OXR1: variants seen among roughly 807,000 people sequenced by gnomAD.
The protein encoded by OXR1 is oxidation resistance protein 1.
A neutral mutation model predicts 104.6 loss-of-function variants in OXR1; 41 were observed. The ratio of observed to expected loss-of-function variants is 0.39; its 90% CI spans 0.31 to 0.51. The LOEUF is 0.51. Ranked by LOEUF, OXR1 falls within the 20% of genes least tolerant of loss-of-function variation. The pLI is 0.77. For missense variants in OXR1, 955 were observed against 1,031.9 expected, an observed-to-expected ratio of 0.93 and a Z score of 1.02; for synonymous variants, 348 against 348.4, an observed-to-expected ratio of 1.00 and a Z score of 0.01.
At chr8:106,402,758 T>C (rs1451744170) in intron 2 of OXR1, among the ~76,000 whole-genome samples, 1 of 152,208 alleles carries the variant, frequency 6.6e-6, no homozygotes, top group African/African-American at 2.4e-5. Context: ...TATGCTGGAA[T>C]CCTTCCTCAA....
chr8:106,572,834 T>C (rs7823515), intron 3 of OXR1, among the ~76,000 whole-genome samples: 26,687 of 152,076 alleles, frequency 0.18, 2,479 homozygotes, highest in East Asian at 0.34. Flanking sequence ...AAGTATTTGT[T>C]ACAGCAGCCC....
chr8:106,436,055 A>G (rs1001550000), intron 2 of OXR1, among the ~76,000 whole-genome samples: 8 of 152,130 alleles, frequency 5.3e-5, no homozygotes, highest in African/African-American at 1.4e-4. Context: ...GAGAAATTTA[A>G]AATAATCATC....
intron 2 of OXR1, among the ~76,000 whole-genome samples, chr8:106,421,196 A>G (rs1263800121): frequency 3.9e-5 from 6 of 152,100 alleles, no homozygotes; most frequent in Non-Finnish European, 8.8e-5. Flanking sequence ...CCCGGCCCCT[A>G]CAACCCACAC....
intron 1 of OXR1, among the ~76,000 whole-genome samples, chr8:106,326,574 G>C (rs1319827778): frequency 6.6e-6 from 1 of 152,186 alleles, no homozygotes; most frequent in Non-Finnish European, 1.5e-5. Flanking sequence ...CTTTGCCGCA[G>C]GGCAATTTTA....
At chr8:106,660,592 G>A (rs1189606570) in intron 3 of OXR1, among the ~76,000 whole-genome samples, 3 of 152,144 alleles carry the variant, frequency 2.0e-5, no homozygotes, top group South Asian at 2.1e-4. Context: ...CCTTGTTTCT[G>A]TTCCTTCTCA....
chr8:106,410,376 G>T (rs866522333), intron 2 of OXR1, among the ~76,000 whole-genome samples: 11 of 152,206 alleles, frequency 7.2e-5, no homozygotes, highest in South Asian at 2.1e-4. Flanking sequence ...TGATTATTAA[G>T]TATCTTTTAT....
At chr8:106,276,622 C>G (rs1175620569) in intron 1 of OXR1, among the ~76,000 whole-genome samples, 2 of 152,126 alleles carry the variant, frequency 1.3e-5, no homozygotes, top group Non-Finnish European at 2.9e-5. Flanking sequence ...AAATCTCCAT[C>G]CAAACCTCTT....
Position 106,634,627 on chromosome 8 carries a change from G to A in OXR1, c.221-44583G>A, listed in dbSNP as rs1015915523. On this transcript the variant is annotated intron_variant, in intron 3 of 16. Coordinates refer to ENST00000517566, the MANE Select transcript of OXR1 (RefSeq NM_001198533.2). ...TAAGGATGATATTCCTACAGATCAA[G>A]TAGTTAACTGAATCACATATCTCCT... Among the ~76,000 whole-genome samples, 7 of 152,126 alleles carry A rather than the reference G, an allele frequency of 4.6e-5. No individual in the cohort carries two copies. The South Asian group carries it at 1.5e-3, about 32-fold the overall frequency.
Position 106,690,211 on chromosome 8 carries a change from TA to T in OXR1, c.526-2514del, listed in dbSNP as rs905396831. On this transcript the variant is annotated intron_variant, in intron 6 of 16. Coordinates refer to ENST00000517566, the MANE Select transcript of OXR1 (RefSeq NM_001198533.2). ...CTTATGTGATATATAACTTATATAT[TA>T]AATGTAAGCTTATGTATTATAATAA... Among the ~76,000 whole-genome samples the T allele has an allele frequency of 2.0e-5, 3 of 150,840 alleles. No individual in the cohort carries two copies. In the East Asian group the frequency reaches 5.8e-4, roughly 29 times the overall value.
chr8:106,349,260 A>G (rs1815624319), intron 1 of OXR1, among the ~76,000 whole-genome samples: 1 of 152,168 alleles, frequency 6.6e-6, no homozygotes, highest in Admixed American at 6.5e-5. Context: ...AAATCATTAT[A>G]TTATATGTTC....
In OXR1 at chr8:106,692,715, A is replaced by T; in HGVS notation, c.526-13A>T. 2.2e-6 allele frequency: 3 copies of T among 1,381,974 alleles called. No homozygotes were observed. The highest frequency in any genetic ancestry group is 3.5e-5 in the South Asian group (2 of 56,602). 85.6% of individuals were successfully genotyped at this position (1,381,974 alleles called of 1,614,324 possible). The stretch of plus-strand genomic sequence containing the variant: ...CTGCTTTTTTTTTTCTTTCCTTTAA[A>T]AAAAAAAAAAAGAATCCTGATGTCC... On this transcript the variant is annotated splice_polypyrimidine_tract_variant and intron_variant, in intron 6 of 16. Coordinates refer to ENST00000517566, the MANE Select transcript of OXR1 (RefSeq NM_001198533.2).
intron 1 of OXR1, among the ~76,000 whole-genome samples, chr8:106,352,959 C>T (rs897745778): frequency 6.6e-6 from 1 of 152,056 alleles, no homozygotes; most frequent in Admixed American, 6.6e-5. Context: ...GGCAGAACCC[C>T]CTCTTTTAAA....
At chr8:106,477,955 T>C (rs1389938782) in intron 2 of OXR1, among the ~76,000 whole-genome samples, 1 of 151,964 alleles carries the variant, frequency 6.6e-6, no homozygotes, top group Non-Finnish European at 1.5e-5. Context: ...CCAGCTGTAA[T>C]GTACAGGTGT....
At chr8:106,745,946 A>C (rs1364324852) in intron 16 of OXR1, 84 bp downstream of exon 16, 1 of 769,030 alleles carries the variant, frequency 1.3e-6, no homozygotes, top group Admixed American at 2.3e-5. Context: ...AGTTGTCTTT[A>C]GAAAGTGTTG....
chr8:106,465,672 A>G (rs1821136541), intron 2 of OXR1, among the ~76,000 whole-genome samples: 1 of 151,984 alleles, frequency 6.6e-6, no homozygotes, highest in Non-Finnish European at 1.5e-5. Flanking sequence ...TAAGAAAAAG[A>G]GAAAGAACAG....
At chr8:106,694,523 A>AT (rs1829662201) in intron 7 of OXR1, among the ~76,000 whole-genome samples, 1 of 133,756 alleles carries the variant, frequency 7.5e-6, no homozygotes, top group Non-Finnish European at 1.6e-5. Context: ...TTTGATATAT[A>AT]AATATGTTTA....
intron 2 of OXR1, among the ~76,000 whole-genome samples, chr8:106,483,108 TATTGGTATATTGG>T: frequency 6.6e-6 from 1 of 151,928 alleles, no homozygotes; most frequent in African/African-American, 2.4e-5. Flanking sequence ...CCAATAGGTA[TATTGGTATATTGG>T]ATATTGTAAA....
rs377677433 is a variant in OXR1 at position 106,667,856 on chromosome 8, A to G, written c.221-11354A>G. Among the ~76,000 whole-genome samples the G allele has an allele frequency of 7.2e-5, 11 of 152,136 alleles. No individual in the cohort carries two copies. In the East Asian group the frequency reaches 1.9e-3, roughly 27 times the overall value. On this transcript the variant is annotated intron_variant, in intron 3 of 16. Coordinates refer to ENST00000517566, the MANE Select transcript of OXR1 (RefSeq NM_001198533.2). ...ACATCACTTCTATGTGTATGTACATATAGAAGGATGGATGGGTGGTTAGAA... is the reference window on the plus strand; with the variant it reads ...ACATCACTTCTATGTGTATGTACATGTAGAAGGATGGATGGGTGGTTAGAA...
chr8:106,729,163 C>G (rs1438492134), intron 11 of OXR1, among the ~76,000 whole-genome samples: 2 of 152,086 alleles, frequency 1.3e-5, no homozygotes, highest in Admixed American at 6.5e-5. Flanking sequence ...ATTTAATTCT[C>G]ACAACCCTGT....
Sources: allele counts gnomAD v4.1 joint callset (sites outside exome capture counted in the v4.1 genomes callset), GRCh38; gene constraint gnomAD v4.1.1; transcripts MANE v1.5; gene names NCBI Gene and HGNC (gene_info 2026-07-23, HGNC 2026-07-21).